The following SMAD6 variants were observed in gnomAD, a reference collection of about 807,000 sequenced individuals.
SMAD6 encodes MAD homolog 6.
Under a neutral mutation model 39.4 loss-of-function variants are expected in SMAD6, and 103 were observed. The ratio of observed to expected loss-of-function variants is 2.62; its 90% CI spans 2.23 to 3.08. SMAD6 has a LOEUF of 3.08. SMAD6 is among the 30% of genes most tolerant of loss of function. SMAD6 has a pLI of 0.00. For synonymous variants in SMAD6, 445 were observed against 353.3 expected, an observed-to-expected ratio of 1.26 and a Z score of -2.91; for missense variants, 1,104 against 742.9, an observed-to-expected ratio of 1.49 and a Z score of -5.65.
At chr15:66,756,453 A>C (rs1275918015) in intron 3 of SMAD6, among the ~76,000 whole-genome samples, 1 of 152,242 alleles carries the variant, frequency 6.6e-6, no homozygotes, top group Non-Finnish European at 1.5e-5. Context: ...ATGTTGATTT[A>C]ACTTAGCTTT....
intron 3 of SMAD6, among the ~76,000 whole-genome samples, chr15:66,772,246 A>G (rs1388502072): frequency 6.6e-6 from 1 of 152,260 alleles, no homozygotes; most frequent in African/African-American, 2.4e-5. Flanking sequence ...CCAATTCTGC[A>G]GCTTCCTGGC....
chr15:66,719,007 G>A (rs1363840371), intron 3 of SMAD6, among the ~76,000 whole-genome samples: 1 of 152,214 alleles, frequency 6.6e-6, no homozygotes, highest in East Asian at 1.9e-4. Flanking sequence ...GATGACAGCA[G>A]TTGACATTTA....
Position 66,781,628 on chromosome 15 carries a change from C to G in SMAD6, c.*93C>G, listed in dbSNP as rs1223874816. ...CCGATGCCCAGAGACACAGCCCCCA[C>G]GGACAAAACCCCCCAGATATCATCT... On this transcript the variant is annotated 3_prime_UTR_variant, in exon 4 of 4. Transcript: ENST00000288840. 1.1e-5 allele frequency: 9 copies of G among 798,124 alleles called. No homozygotes were observed. The highest frequency in any genetic ancestry group is 1.7e-5 in the Non-Finnish European group (9 of 537,700). The allele number at this position is 798,124 out of a possible 1,614,324, so 49.4% of individuals were successfully genotyped here.
intron 2 of SMAD6, among the ~76,000 whole-genome samples, chr15:66,715,764 T>TA (rs55742236): frequency 0.023 from 2,356 of 102,994 alleles, 46 homozygotes; most frequent in African/African-American, 0.065. Flanking sequence ...TAAAACTACT[T>TA]AAAAAAAAAA....
intron 3 of SMAD6, among the ~76,000 whole-genome samples, chr15:66,746,370 GT>G (rs959239197): frequency 6.6e-6 from 1 of 152,110 alleles, no homozygotes; most frequent in Non-Finnish European, 1.5e-5. Flanking sequence ...GGGACGTGTG[GT>G]TTAAAGGTCT....
intron 3 of SMAD6, among the ~76,000 whole-genome samples, chr15:66,722,763 A>C (rs1401175110): frequency 6.7e-6 from 1 of 150,104 alleles, no homozygotes; most frequent in Admixed American, 6.6e-5. Context: ...GGCTGGGTAG[A>C]GGTGTGAGGG....
chr15:66,774,926 A>G (rs947649006), intron 3 of SMAD6, among the ~76,000 whole-genome samples: 6 of 151,772 alleles, frequency 4.0e-5, no homozygotes, highest in African/African-American at 1.5e-4. Flanking sequence ...CAGTGGTGCA[A>G]TCTTGGCTCA....
rs1018974371 is a variant in SMAD6 at position 66,716,932 on chromosome 15, G to A, written c.952+434G>A. ...TCAGAAGATTGGGGGAATTGGAGCCGGTTGAATGAGCTTGCAGGGAGGATC... is the reference window on the plus strand; with the variant it reads ...TCAGAAGATTGGGGGAATTGGAGCCAGTTGAATGAGCTTGCAGGGAGGATC... On this transcript the variant is annotated intron_variant, in intron 3 of 3. Transcript: ENST00000288840. The A allele has an allele frequency of 4.8e-6, 6 of 1,250,096 alleles. No individual in the cohort carries two copies. In the African/African-American group the frequency reaches 7.7e-5, roughly 16 times the overall value. 77.4% of individuals were successfully genotyped at this position (1,250,096 alleles called of 1,614,324 possible). A position where few individuals can be genotyped will look rare whatever the true frequency, so the allele number is the denominator to read the frequency against.
At chr15:66,739,243 A>AT (rs1359714989) in intron 3 of SMAD6, among the ~76,000 whole-genome samples, 1 of 152,134 alleles carries the variant, frequency 6.6e-6, no homozygotes, top group African/African-American at 2.4e-5. Context: ...GGCACCTGCC[A>AT]TCACGCCTGG....
chr15:66,703,419 G>A lies in SMAD6; in HGVS notation c.161G>A (p.Gly54Asp). ...EPAPRAREGG[G>D]CGRSEVRPVA... ...GCCCCGCGGGCAAGAGAGGGCGGAG[G>A]CTGCGGCCGCTCCGAAGTCCGCCCG... The change falls in exon 1 of 4, where the codon GGC becomes GAC. Residue 54 changes from glycine (G) to aspartate (D), a missense_variant. Gly to Asp is a moderately conservative substitution (Grantham distance 94). Coordinates refer to ENST00000288840, the MANE Select transcript of SMAD6 (RefSeq NM_005585.5). 3.8e-6 allele frequency: 5 copies of A among 1,314,324 alleles called. No homozygotes were observed. The highest frequency in any genetic ancestry group is 3.9e-6 in the Non-Finnish European group (4 of 1,029,878). 81.4% of individuals were successfully genotyped at this position (1,314,324 alleles called of 1,614,324 possible). A position where few individuals can be genotyped will look rare whatever the true frequency, so the allele number is the denominator to read the frequency against.
At chr15:66,772,013 G>A (rs766928592) in intron 3 of SMAD6, among the ~76,000 whole-genome samples, 6 of 152,282 alleles carry the variant, frequency 3.9e-5, no homozygotes, top group South Asian at 2.1e-4. Flanking sequence ...GCAGCATGTC[G>A]TGGGGCAGTG....
In SMAD6 at chr15:66,761,026, G is replaced by A. The variant is rs186391753; in HGVS notation, c.953-19971G>A. ...CCCATGAATGAGAACCTCCAGGGGC[G>A]GGGCCTGGGAATCTGGACACGAGGG... On this transcript the variant is annotated intron_variant, in intron 3 of 3. Transcript: ENST00000288840. 6.8e-4 allele frequency among the ~76,000 whole-genome samples: 103 copies of A among 152,326 alleles called. 1 individual carries two copies. The highest frequency in any genetic ancestry group is 1.7e-3 in the Admixed American group (26 of 15,308).
chr15:66,759,942 C>G (rs1429323374), intron 3 of SMAD6, among the ~76,000 whole-genome samples: 2 of 152,186 alleles, frequency 1.3e-5, no homozygotes, highest in Non-Finnish European at 2.9e-5. Context: ...ATAGTCAAGG[C>G]CCGGCATGGT....
chr15:66,710,441 A>G (rs1893205710), intron 1 of SMAD6, among the ~76,000 whole-genome samples: 1 of 152,188 alleles, frequency 6.6e-6, no homozygotes, highest in Non-Finnish European at 1.5e-5. Flanking sequence ...GTTGGAAGTA[A>G]CTTTGAGCTG....
intron 3 of SMAD6, chr15:66,717,568 A>C: frequency 2.4e-6 from 1 of 417,734 alleles, no homozygotes; most frequent in Non-Finnish European, 5.0e-6. Context: ...GTCTCTCTGC[A>C]ACTCTAAGGA....
At chr15:66,716,366 A>G (rs1279361406) in intron 2 of SMAD6, 55 bp from the exon 3 acceptor site, 3 of 1,300,184 alleles carry the variant, frequency 2.3e-6, no homozygotes, top group Middle Eastern at 1.8e-4. Context: ...GAAAGAAGAA[A>G]AAAGAGAGCG....
At chr15:66,755,061 G>A (rs1162938430) in intron 3 of SMAD6, among the ~76,000 whole-genome samples, 1 of 152,156 alleles carries the variant, frequency 6.6e-6, no homozygotes, top group Admixed American at 6.5e-5. Context: ...CTCTCATACG[G>A]TCCATATTTG....
At chr15:66,732,974 T>C (rs1364864820) in intron 3 of SMAD6, among the ~76,000 whole-genome samples, 1 of 152,102 alleles carries the variant, frequency 6.6e-6, no homozygotes, top group Non-Finnish European at 1.5e-5. Context: ...TTATAATCCA[T>C]GTTGAGTTAA....
intron 3 of SMAD6, among the ~76,000 whole-genome samples, chr15:66,726,663 G>A (rs1225457622): frequency 1.3e-5 from 2 of 152,030 alleles, no homozygotes; most frequent in East Asian, 1.9e-4. Context: ...CTACCTGGGG[G>A]CCAGGAGGCC....
Sources: gnomAD v4.1 joint callset for allele counts (sites outside exome capture counted in the v4.1 genomes callset) on GRCh38, gnomAD v4.1.1 for gene constraint, MANE v1.5 for transcripts, NCBI Gene and HGNC (gene_info 2026-07-23, HGNC 2026-07-21) for gene names.